Variants in STPG2 observed in about 807,000 individuals in gnomAD.
STPG2 encodes sperm-tail PG-rich repeat-containing protein 2.
In STPG2, 56 loss-of-function variants were observed where a neutral mutation model predicts 54.2. The observed-to-expected ratio is 1.03, with a 90% confidence interval of 0.83 to 1.29. STPG2 has a LOEUF of 1.29. Ranked by LOEUF, STPG2 falls within the 50% of genes most tolerant of loss-of-function variation. The pLI, the probability that STPG2 is intolerant of heterozygous loss-of-function variation, is 0.00. For missense variants in STPG2, 596 were observed against 544.9 expected, an observed-to-expected ratio of 1.09 and a Z score of -0.93; for synonymous variants, 200 against 181.8, an observed-to-expected ratio of 1.10 and a Z score of -0.81.
intron 8 of STPG2, among the ~76,000 whole-genome samples, chr4:97,939,351 C>T (rs777314341): frequency 1.3e-5 from 2 of 152,058 alleles, no homozygotes; most frequent in Non-Finnish European, 2.9e-5. Flanking sequence ...GCATTTAACT[C>T]CTGAATATCT....
chr4:98,122,604 G>T (rs568474456), intron 3 of STPG2, among the ~76,000 whole-genome samples: 1 of 152,210 alleles, frequency 6.6e-6, no homozygotes, highest in African/African-American at 2.4e-5. Context: ...AGGATTTTTT[G>T]CATCAATGCT....
At chr4:97,763,095 T>C in intron 9 of STPG2, among the ~76,000 whole-genome samples, 1 of 152,188 alleles carries the variant, frequency 6.6e-6, no homozygotes, top group East Asian at 1.9e-4. Context: ...CTACTATAAT[T>C]CTCAGTGGGT....
intron 7 of STPG2, among the ~76,000 whole-genome samples, chr4:97,959,708 T>C (rs1172577875): frequency 4.0e-5 from 6 of 151,188 alleles, no homozygotes; most frequent in Non-Finnish European, 7.4e-5. Context: ...TAATAAAAAC[T>C]TACCAAGAAA....
chr4:98,036,113 A>T (rs1736771835), intron 5 of STPG2, among the ~76,000 whole-genome samples: 1 of 152,104 alleles, frequency 6.6e-6, no homozygotes, highest in Non-Finnish European at 1.5e-5. Context: ...ATAAATTTTT[A>T]AAAACACAAT....
At chr4:97,780,522 C>T (rs1181454041) in intron 9 of STPG2, among the ~76,000 whole-genome samples, 4 of 80,222 alleles carry the variant, frequency 5.0e-5, no homozygotes, top group South Asian at 1.1e-3. Context: ...GACAGATCAA[C>T]GAGACAGAAA....
chr4:97,643,276 A>T (rs1721815524), intron 10 of STPG2, among the ~76,000 whole-genome samples: 1 of 151,608 alleles, frequency 6.6e-6, no homozygotes, highest in South Asian at 2.1e-4. Context: ...ATTTTCTAAC[A>T]GGCTATTTAA....
chr4:97,703,744 G>GTA (rs71588913), intron 10 of STPG2, among the ~76,000 whole-genome samples: 62,126 of 139,816 alleles, frequency 0.44, 15,150 homozygotes, highest in South Asian at 0.62. Context: ...ATATATTATC[G>GTA]TATATATATA....
chr4:97,871,307 G>T (rs1021350925), intron 8 of STPG2, among the ~76,000 whole-genome samples: 1 of 150,816 alleles, frequency 6.6e-6, no homozygotes, highest in African/African-American at 2.4e-5. Flanking sequence ...AATTTTGAAG[G>T]TAGAGAATTT....
At chr4:97,461,501 T>C (rs1421582626) in intron 4 of STPG2, among the ~76,000 whole-genome samples, 1 of 152,214 alleles carries the variant, frequency 6.6e-6, no homozygotes, top group Non-Finnish European at 1.5e-5. Context: ...CTTTTCATCA[T>C]GTGAGAAAAC....
downstream of STPG2, among the ~76,000 whole-genome samples, chr4:97,558,666 C>G (rs1732141382): frequency 6.6e-6 from 1 of 152,148 alleles, no homozygotes; most frequent in Admixed American, 6.5e-5. Flanking sequence ...GGCATCCTTT[C>G]CCCGCCAAAC....
chr4:97,696,993 G>A (rs1240043341), intron 10 of STPG2, among the ~76,000 whole-genome samples: 1 of 152,178 alleles, frequency 6.6e-6, no homozygotes, highest in South Asian at 2.1e-4. Flanking sequence ...AACAGGCATA[G>A]GTGCTGTGCA....
At chr4:98,065,654 T>C (rs1380553284) in intron 5 of STPG2, among the ~76,000 whole-genome samples, 1 of 152,222 alleles carries the variant, frequency 6.6e-6, no homozygotes, top group East Asian at 1.9e-4. Context: ...CAATAGAGAC[T>C]GTGAGGCTAT....
chr4:97,868,515 G>A lies in STPG2; in HGVS notation c.1045-27583C>T, dbSNP rs542960846. Among the ~76,000 whole-genome samples the A allele has an allele frequency of 2.6e-5, 4 of 151,962 alleles. No individual in the cohort carries two copies. The East Asian group carries it at 5.8e-4, about 22-fold the overall frequency. ...AAGCCTGTGTGAGGCATAGGCCCAC[G>A]GTTATAATTCTCAGGGAAGTTATTT... On this transcript the variant is annotated intron_variant, in intron 8 of 10. Transcript: ENST00000295268.
intron 5 of STPG2, among the ~76,000 whole-genome samples, chr4:98,042,519 TC>T (rs1216786256): frequency 3.3e-5 from 5 of 151,910 alleles, no homozygotes; most frequent in Non-Finnish European, 5.9e-5. Flanking sequence ...GTATGTTGTG[TC>T]CCCATTTTTA....
chr4:98,032,393 A>G (rs1736625186), intron 5 of STPG2, among the ~76,000 whole-genome samples: 1 of 152,152 alleles, frequency 6.6e-6, no homozygotes, highest in South Asian at 2.1e-4. Flanking sequence ...ACCACCTGTA[A>G]CCCAATAACT....
chr4:97,725,443 TATAGAAAATATATAACTTTCAAA>T (rs1724591420), intron 9 of STPG2, among the ~76,000 whole-genome samples: 1 of 151,336 alleles, frequency 6.6e-6, no homozygotes, highest in Admixed American at 6.6e-5. Context: ...TTTAGGAAAA[TATAGAAAATATATAACTTTCAAA>T]ATTGAATAGT....
chr4:97,446,282 T>C (rs1240211382), intron 4 of STPG2, among the ~76,000 whole-genome samples: 1 of 152,228 alleles, frequency 6.6e-6, no homozygotes, highest in Admixed American at 6.5e-5. Context: ...GTAAGGATCA[T>C]GTACTGGCTA....
chr4:98,108,844 C>T (rs922399732), intron 4 of STPG2, among the ~76,000 whole-genome samples: 2 of 151,510 alleles, frequency 1.3e-5, no homozygotes, highest in African/African-American at 4.9e-5. Context: ...TAGTAGATAG[C>T]ACAAGATTTG....
chr4:97,950,711 G>A (rs543793182), intron 7 of STPG2, among the ~76,000 whole-genome samples: 51 of 152,250 alleles, frequency 3.3e-4, no homozygotes, highest in Middle Eastern at 3.4e-3. Context: ...CCTCCACGCT[G>A]TCCATGTTCA....
Sources: gnomAD v4.1 joint callset for allele counts (sites outside exome capture counted in the v4.1 genomes callset) on GRCh38, gnomAD v4.1.1 for gene constraint, MANE v1.5 for transcripts, NCBI Gene and HGNC (gene_info 2026-07-23, HGNC 2026-07-21) for gene names.